THSD7B: variants seen among roughly 807,000 people sequenced by gnomAD.
The protein encoded by THSD7B is thrombospondin type-1 domain-containing protein 7B.
A neutral mutation model predicts 213.6 loss-of-function variants in THSD7B; 138 were observed. That is an observed-to-expected ratio of 0.65 (90% confidence interval 0.56 to 0.74). The LOEUF (loss-of-function observed/expected upper bound fraction) is 0.74, where lower values mean the gene tolerates loss of function less well. Ranked by LOEUF, THSD7B falls within the 30% of genes least tolerant of loss-of-function variation. THSD7B has a pLI of 0.00. For missense variants in THSD7B, 1,931 were observed against 1,991.5 expected (o/e 0.97, Z 0.58); for synonymous variants, 742 against 687.0 (o/e 1.08, Z -1.25).
At chr2:137,561,429 T>C (rs948076946) in intron 15 of THSD7B, among the ~76,000 whole-genome samples, 3 of 152,184 alleles carry the variant, frequency 2.0e-5, no homozygotes, top group Non-Finnish European at 2.9e-5. Flanking sequence ...GCATGAAATA[T>C]AGGATAAATT....
At chr2:137,032,252 G>C (rs1022905260) in intron 2 of THSD7B, among the ~76,000 whole-genome samples, 1 of 152,058 alleles carries the variant, frequency 6.6e-6, no homozygotes, top group Non-Finnish European at 1.5e-5. Context: ...AAAAAATGCC[G>C]TTTAGTGTTG....
intron 12 of THSD7B, among the ~76,000 whole-genome samples, chr2:137,366,569 T>C (rs1370758831): frequency 6.6e-6 from 1 of 152,006 alleles, no homozygotes; most frequent in Non-Finnish European, 1.5e-5. Context: ...CCCTTCTATG[T>C]GTTACATCTA....
chr2:137,206,418 C>T (rs944987394), intron 7 of THSD7B, among the ~76,000 whole-genome samples: 1 of 152,064 alleles, frequency 6.6e-6, no homozygotes, highest in Non-Finnish European at 1.5e-5. Flanking sequence ...TACACAATCA[C>T]ATGTAGCTAG....
intron 5 of THSD7B, among the ~76,000 whole-genome samples, chr2:137,140,055 T>C (rs1266036907): frequency 6.6e-6 from 1 of 151,172 alleles, no homozygotes; most frequent in Admixed American, 6.6e-5. Context: ...CACCATTTGG[T>C]TGAATGTTGA....
chr2:137,211,583 A>T (rs1230801936), intron 7 of THSD7B, among the ~76,000 whole-genome samples: 1 of 151,846 alleles, frequency 6.6e-6, no homozygotes, highest in African/African-American at 2.4e-5. Context: ...AAATGATCTT[A>T]GTTAGGATGA....
intron 12 of THSD7B, among the ~76,000 whole-genome samples, chr2:137,348,414 C>T (rs1489328227): frequency 2.6e-5 from 4 of 151,676 alleles, no homozygotes; most frequent in South Asian, 2.1e-4. Flanking sequence ...CATATGCCCT[C>T]GATATGCAGT....
At position 137,197,539 on chromosome 2, in the gene THSD7B, C is replaced by T. The variant is rs116288164; in HGVS notation, c.1723+26601C>T. Among the ~76,000 whole-genome samples, 1,087 of 152,130 alleles carry T rather than the reference C, an allele frequency of 7.1e-3. 15 individuals are homozygous for T. The highest frequency in any genetic ancestry group is 0.025 in the African/African-American group (1,017 of 41,452). On this transcript the variant is annotated intron_variant, in intron 7 of 27. Transcript: ENST00000409968. Reference sequence around the variant, plus strand: ...TTAAAAAAGAAATAAAGATACCATACTTTAAAAAGAGAAATTAGGACCCTG... The same window carrying T: ...TTAAAAAAGAAATAAAGATACCATATTTTAAAAAGAGAAATTAGGACCCTG...
At chr2:136,973,520 A>T (rs533854919) in intron 2 of THSD7B, among the ~76,000 whole-genome samples, 1 of 152,282 alleles carries the variant, frequency 6.6e-6, no homozygotes, top group East Asian at 1.9e-4. Flanking sequence ...AGCAAAATGG[A>T]TCATTTTCAA....
intron 2 of THSD7B, among the ~76,000 whole-genome samples, chr2:136,948,094 T>C (rs530109110): frequency 6.6e-6 from 1 of 152,162 alleles, no homozygotes; most frequent in South Asian, 2.1e-4. Context: ...TTGTTCTTTC[T>C]CTCTCCATAA....
intron 15 of THSD7B, among the ~76,000 whole-genome samples, chr2:137,474,507 A>G (rs1458308023): frequency 6.6e-6 from 1 of 152,182 alleles, no homozygotes; most frequent in Non-Finnish European, 1.5e-5. Flanking sequence ...ATGTCTCACA[A>G]GAAGTGTTTC....
chr2:136,838,301 TTTGC>T (rs1682873370), intron 1 of THSD7B, among the ~76,000 whole-genome samples: 2 of 152,028 alleles, frequency 1.3e-5, no homozygotes, highest in South Asian at 4.2e-4. Context: ...GAGGGGAGAG[TTTGC>T]TTGGCTATTC....
At chr2:137,257,245 G>A (rs1682333150) in intron 10 of THSD7B, among the ~76,000 whole-genome samples, 1 of 152,204 alleles carries the variant, frequency 6.6e-6, no homozygotes, top group African/African-American at 2.4e-5. Context: ...TAACTCGATA[G>A]TGTTTAATAG....
intron 3 of THSD7B, among the ~76,000 whole-genome samples, chr2:137,076,432 A>G (rs1222318068): frequency 6.6e-6 from 1 of 152,162 alleles, no homozygotes; most frequent in African/African-American, 2.4e-5. Flanking sequence ...TTTTAGGCCC[A>G]TTGGAAAAGC....
chr2:136,947,824 C>G (rs1307644348), intron 2 of THSD7B, among the ~76,000 whole-genome samples: 1 of 149,930 alleles, frequency 6.7e-6, no homozygotes, highest in Non-Finnish European at 1.5e-5. Flanking sequence ...TCTCTGGTCT[C>G]TGGTTAAGAT....
At chr2:136,931,562 C>T (rs1276314342) in intron 2 of THSD7B, among the ~76,000 whole-genome samples, 2 of 152,106 alleles carry the variant, frequency 1.3e-5, no homozygotes, top group African/African-American at 2.4e-5. Flanking sequence ...CAAACACAGC[C>T]GCTATTGGTC....
Position 137,304,839 on chromosome 2 carries a change from T to A in THSD7B, c.2500+28813T>A, listed in dbSNP as rs1220880848. On this transcript the variant is annotated intron_variant, in intron 12 of 27. Coordinates refer to ENST00000409968, the MANE Select transcript of THSD7B (RefSeq NM_001316349.2). Reference sequence around the variant, plus strand: ...AGCAACTGTGCCTCAAAATAATAATTCATAATAATGTAATATTCATAATAT... The same window carrying A: ...AGCAACTGTGCCTCAAAATAATAATACATAATAATGTAATATTCATAATAT... Among the ~76,000 whole-genome samples, 5 of 152,106 alleles carry A rather than the reference T, an allele frequency of 3.3e-5. No homozygotes were observed. The East Asian group carries it at 7.7e-4, about 23-fold the overall frequency.
At chr2:137,251,235 A>G (rs1682168156) in intron 10 of THSD7B, among the ~76,000 whole-genome samples, 1 of 152,214 alleles carries the variant, frequency 6.6e-6, no homozygotes, top group African/African-American at 2.4e-5. Context: ...GCTTAATGCA[A>G]GAACATATGT....
intron 15 of THSD7B, among the ~76,000 whole-genome samples, chr2:137,557,282 A>G (rs10180290): frequency 0.47 from 71,223 of 151,942 alleles, 17,111 homozygotes; most frequent in South Asian, 0.66. Flanking sequence ...AATTGAGCAC[A>G]TAGTTGAAAG....
At chr2:137,196,384 T>G (rs1407316642) in intron 7 of THSD7B, among the ~76,000 whole-genome samples, 1 of 86,306 alleles carries the variant, frequency 1.2e-5, no homozygotes, top group Non-Finnish European at 2.5e-5. Flanking sequence ...CTGTTTTTTT[T>G]TTTTTTTTTT....
Sources: allele counts gnomAD v4.1 joint callset (sites outside exome capture counted in the v4.1 genomes callset), GRCh38; gene constraint gnomAD v4.1.1; transcripts MANE v1.5; gene names NCBI Gene and HGNC (gene_info 2026-07-23, HGNC 2026-07-21).